GALNS: variants seen among roughly 807,000 people sequenced by gnomAD.
GALNS encodes N-acetylgalactosamine-6-sulfatase.
GALNS carries 65 observed loss-of-function variants against 65.9 expected under a neutral mutation model. The ratio of observed to expected loss-of-function variants is 0.99; its 90% CI spans 0.81 to 1.21. The LOEUF is 1.21. Among genes scored for constraint, GALNS ranks in the 50% most tolerant of loss-of-function variants. The probability of loss-of-function intolerance (pLI) is 0.00; values close to 1 mark genes in which losing one functional copy is unlikely to be tolerated. For synonymous variants in GALNS, 346 were observed against 288.9 expected, an observed-to-expected ratio of 1.20 and a Z score of -2.00; for missense variants, 776 against 700.7, an observed-to-expected ratio of 1.11 and a Z score of -1.21.
intron 2 of GALNS, 142 bp downstream of exon 2, chr16:88,842,564 C>T (rs1023859093): frequency 2.8e-6 from 3 of 1,061,254 alleles, no homozygotes; most frequent in Admixed American, 4.5e-5. Context: ...TGAGAAAGGC[C>T]TGAGCCCACC....
At chr16:88,819,119 A>T (rs1450428991) in intron 12 of GALNS, among the ~76,000 whole-genome samples, 1 of 152,242 alleles carries the variant, frequency 6.6e-6, no homozygotes, top group East Asian at 1.9e-4. Context: ...TTTTTGCTCC[A>T]GAACCTTCCC....
intron 1 of GALNS, among the ~76,000 whole-genome samples, chr16:88,850,733 G>T (rs981315962): frequency 6.6e-6 from 1 of 152,246 alleles, no homozygotes. Context: ...CGCTCGGGCT[G>T]CGAGCACAGG....
chr16:88,820,799 C>T (rs1910129420), intron 12 of GALNS, among the ~76,000 whole-genome samples: 2 of 152,244 alleles, frequency 1.3e-5, no homozygotes, highest in South Asian at 2.1e-4. Flanking sequence ...GGGGCACCGC[C>T]ATCCAGGCTT....
chr16:88,822,778 C>T (rs1417237659), intron 11 of GALNS, 68 bp from the exon 12 acceptor site: 1 of 1,581,618 alleles, frequency 6.3e-7, no homozygotes, highest in Non-Finnish European at 8.6e-7. Flanking sequence ...CCTCGTCTGC[C>T]CGTGTCCTGG....
In GALNS at chr16:88,841,095, C is replaced by G. The variant is rs1245504167; in HGVS notation, c.320-1G>C. The G allele has an allele frequency of 6.2e-7, 1 of 1,612,554 alleles. No individual in the cohort carries two copies. Among genetic ancestry groups the G allele is most frequent in the Admixed American group, 1.7e-5 (1 of 60,026 alleles). ...CCCACAATCTCCTGCGGTGTGTAGG[C>G]TGGAAGAGCAGCGCTGGGTGAGCCC... On this transcript the variant is annotated splice_acceptor_variant, in intron 3 of 13. Transcript: ENST00000268695. LOFTEE classifies it high-confidence loss of function.
Position 88,831,295 on chromosome 16 carries a change from C to T in GALNS, c.1002+703G>A, listed in dbSNP as rs1161167186. On this transcript the variant is annotated intron_variant, in intron 9 of 13. Coordinates refer to ENST00000268695, the MANE Select transcript of GALNS (RefSeq NM_000512.5). ...TGCGTGGGGAGGAGAGCGGTGAGGCCGAGCACGGGGTGCGTGGGGAGGAGA... is the reference window on the plus strand; with the variant it reads ...TGCGTGGGGAGGAGAGCGGTGAGGCTGAGCACGGGGTGCGTGGGGAGGAGA... Among the ~76,000 whole-genome samples the T allele has an allele frequency of 8.9e-3, 548 of 61,420 alleles. 12 individuals carry two copies. The highest frequency in any genetic ancestry group is 0.045 in the African/African-American group (515 of 11,556). The allele number at this position is 61,420 out of a possible 152,430, so 40.3% of individuals were successfully genotyped here.
intron 6 of GALNS, 133 bp from the exon 7 acceptor site, chr16:88,835,982 G>A (rs1319331106): frequency 7.0e-7 from 1 of 1,430,382 alleles, no homozygotes; most frequent in African/African-American, 1.4e-5. Flanking sequence ...ACGGGGCAAG[G>A]TTGGTGCGGT....
intron 1 of GALNS, chr16:88,855,375 C>T (rs1306963989): frequency 2.8e-6 from 2 of 702,576 alleles, no homozygotes; most frequent in African/African-American, 1.7e-5. Context: ...TCTACACTGG[C>T]CCAGAGGAAC....
Position 88,841,087 on chromosome 16 carries a change from T to G in GALNS, c.327A>C (p.Thr109=), listed in dbSNP as rs759916392. Residue 109 remains threonine (T), a synonymous_variant, in exon 4 of 14, where the codon ACA becomes ACC. Coordinates refer to ENST00000268695, the MANE Select transcript of GALNS (RefSeq NM_000512.5). ...GGATGCCGCCCACAATCTCCTGCGG[T>G]GTGTAGGCTGGAAGAGCAGCGCTGG... ...TTNAHARNAY[T]PQEIVGGIPD... 28 of 1,612,698 alleles carry G rather than the reference T, an allele frequency of 1.7e-5. No homozygotes were observed. Among genetic ancestry groups the G allele is most frequent in the Non-Finnish European group, 2.3e-5 (27 of 1,179,788 alleles).
intron 13 of GALNS, chr16:88,817,277 C>T: frequency 1.0e-6 from 1 of 985,448 alleles, no homozygotes; most frequent in Non-Finnish European, 1.2e-6. Flanking sequence ...GTGGCCTGAA[C>T]ACAGACTTCA....
At position 88,837,975 on chromosome 16, in the gene GALNS, C is replaced by T. The variant is rs114559552; in HGVS notation, c.423-210G>A. The T allele has an allele frequency of 9.8e-4, 566 of 576,684 alleles. 5 individuals carry two copies. The African/African-American group carries it at 0.01, about 10-fold the overall frequency. The allele number at this position is 576,684 out of a possible 1,614,324, so 35.7% of individuals were successfully genotyped here. On this transcript the variant is annotated intron_variant, in intron 4 of 13. Transcript: ENST00000268695. ...ACTGCCCGCCTACCCTGCAGAGCGT[C>T]TGGGCACAACCGAGGGCGGCAGGCA...
At chr16:88,854,700 T>C (rs145765395) in intron 1 of GALNS, among the ~76,000 whole-genome samples, 61 of 152,310 alleles carry the variant, frequency 4.0e-4, no homozygotes, top group Non-Finnish European at 6.5e-4. Flanking sequence ...CATCACAGGC[T>C]GAGTGAGGAT....
chr16:88,855,795 C>G (rs909315570), intron 1 of GALNS: 2 of 522,596 alleles, frequency 3.8e-6, no homozygotes, highest in Non-Finnish European at 6.8e-6. Flanking sequence ...GTGGCCCCCA[C>G]TGGTCAGCAC....
At chr16:88,815,199 G>A in intron 13 of GALNS, 1 of 985,476 alleles carries the variant, frequency 1.0e-6, no homozygotes, top group Non-Finnish European at 1.2e-6. Flanking sequence ...CAGCTCTGAA[G>A]GCTGCCATTG....
rs780624145 is a variant in GALNS, at chr16:88,842,739, T to C, written c.211A>G (p.Asn71Asp). 18 of 1,612,996 alleles carry C rather than the reference T, an allele frequency of 1.1e-5. No individual in the cohort carries two copies. Among genetic ancestry groups the C allele is most frequent in the African/African-American group, 5.3e-5 (4 of 75,030 alleles). The change falls in exon 2 of 14, where the codon AAC becomes GAC. Residue 71 changes from asparagine (N) to aspartate (D), a missense_variant. Physicochemically the swap from Asn to Asp is conservative, Grantham distance 23. Transcript: ENST00000268695. ...RMAAEGLLFP[N>D]FYSANPLCSP... is the part of the protein sequence containing the mutation. ...CACAGAGGGTTGGCAGAATAGAAGTTTGGGAAAAGCAGCCCTTCTGCAGCC... is the reference window on the plus strand; with the variant it reads ...CACAGAGGGTTGGCAGAATAGAAGTCTGGGAAAAGCAGCCCTTCTGCAGCC...
At chr16:88,854,304 G>C (rs545669770) in intron 1 of GALNS, among the ~76,000 whole-genome samples, 1 of 152,240 alleles carries the variant, frequency 6.6e-6, no homozygotes, top group Non-Finnish European at 1.5e-5. Context: ...GGACAGGGCT[G>C]CGGAGGAAGC....
intron 1 of GALNS, 124 bp from the exon 2 acceptor site, chr16:88,842,953 G>C: frequency 6.5e-7 from 1 of 1,533,278 alleles, no homozygotes; most frequent in South Asian, 1.2e-5. Flanking sequence ...CTGTGTCCCA[G>C]CCAGCGGCAG....
chr16:88,827,252 C>T (rs561020327), intron 9 of GALNS: 136 of 250,762 alleles, frequency 5.4e-4, no homozygotes, highest in Admixed American at 1.9e-3. Flanking sequence ...TGTGGAGGGG[C>T]AGCTGAGGCT....
rs373098107 is a variant in GALNS, at chr16:88,824,751, G to A, written c.1242+16C>T. On this transcript the variant is annotated intron_variant, in intron 11 of 13. Coordinates refer to ENST00000268695, the MANE Select transcript of GALNS (RefSeq NM_000512.5). ...TGGGGGCAGCTCCGCCTGCGCCCAC[G>A]TCCCGAGCCCTGTACCTGTCTGAAG... The A allele has an allele frequency of 4.3e-5, 69 of 1,608,340 alleles. No homozygotes were observed. In the African/African-American group the frequency reaches 5.3e-4, roughly 12 times the overall value.
Sources: gnomAD v4.1 joint callset for allele counts (sites outside exome capture counted in the v4.1 genomes callset) on GRCh38, gnomAD v4.1.1 for gene constraint, MANE v1.5 for transcripts, NCBI Gene and HGNC (gene_info 2026-07-23, HGNC 2026-07-21) for gene names.